Variants in CSMD1 observed in about 807,000 individuals in gnomAD.
The protein encoded by CSMD1 is CUB and Sushi multiple domains 1, also known as CUB and sushi domain-containing protein 1.
In CSMD1, 213 loss-of-function variants were observed where a neutral mutation model predicts 417.5. The ratio of observed to expected loss-of-function variants is 0.51; its 90% CI spans 0.46 to 0.57. CSMD1 has a LOEUF of 0.57. Ranked by LOEUF, CSMD1 falls within the 20% of genes least tolerant of loss-of-function variation. The pLI is 0.00. For missense variants in CSMD1, 6,923 were observed against 4,529.7 expected, an observed-to-expected ratio of 1.53 and a Z score of -15.17; for synonymous variants, 2,862 against 1,736.8, an observed-to-expected ratio of 1.65 and a Z score of -16.11.
intron 25 of CSMD1, among the ~76,000 whole-genome samples, chr8:3,295,900 C>A (rs969256801): frequency 1.3e-5 from 2 of 152,006 alleles, no homozygotes; most frequent in African/African-American, 4.8e-5. Context: ...TACTCGGCAC[C>A]AAGAGTGTAC....
intron 7 of CSMD1, among the ~76,000 whole-genome samples, chr8:3,654,529 C>T (rs1798009058): frequency 6.6e-6 from 1 of 152,070 alleles, no homozygotes; most frequent in Non-Finnish European, 1.5e-5. Context: ...GGAGAACTTA[C>T]AAATAAGAAA....
At chr8:4,079,975 A>T (rs1800041187) in intron 3 of CSMD1, among the ~76,000 whole-genome samples, 1 of 151,608 alleles carries the variant, frequency 6.6e-6, no homozygotes, top group Non-Finnish European at 1.5e-5. Flanking sequence ...TAATTTAAAG[A>T]TTAAGAAAAT....
At chr8:4,194,990 C>T (rs1467752904) in intron 3 of CSMD1, among the ~76,000 whole-genome samples, 1 of 151,800 alleles carries the variant, frequency 6.6e-6, no homozygotes, top group African/African-American at 2.4e-5. Context: ...TTTCTTTCAT[C>T]TGGGAATTTT....
intron 5 of CSMD1, among the ~76,000 whole-genome samples, chr8:3,837,914 G>C (rs904626789): frequency 1.3e-5 from 2 of 151,996 alleles, no homozygotes; most frequent in Non-Finnish European, 1.5e-5. Flanking sequence ...ATGCACAGAT[G>C]AATATACTGT....
chr8:3,782,687 A>T (rs1799246601), intron 5 of CSMD1, among the ~76,000 whole-genome samples: 1 of 152,218 alleles, frequency 6.6e-6, no homozygotes, highest in African/African-American at 2.4e-5. Context: ...AATGTTTGAG[A>T]ACAAGCTAAT....
At chr8:3,262,973 G>T (rs1382416359) in intron 26 of CSMD1, among the ~76,000 whole-genome samples, 2 of 152,174 alleles carry the variant, frequency 1.3e-5, no homozygotes, top group African/African-American at 4.8e-5. Flanking sequence ...TAATATTCAA[G>T]AAGTATTATG....
chr8:4,588,784 A>G (rs1799839736), intron 2 of CSMD1, among the ~76,000 whole-genome samples: 1 of 151,188 alleles, frequency 6.6e-6, no homozygotes, highest in Admixed American at 6.6e-5. Context: ...ACTCCGACAC[A>G]CACACACACA....
chr8:4,786,378 G>A (rs1585095989), intron 1 of CSMD1, among the ~76,000 whole-genome samples: 1 of 152,318 alleles, frequency 6.6e-6, no homozygotes, highest in East Asian at 1.9e-4. Flanking sequence ...GGCAGGTGCA[G>A]AACATGCATC....
intron 3 of CSMD1, among the ~76,000 whole-genome samples, chr8:4,376,230 T>G (rs981566115): frequency 6.6e-6 from 1 of 152,326 alleles, no homozygotes; most frequent in Admixed American, 6.5e-5. Flanking sequence ...GTTTTTGACG[T>G]TTTCCTATTT....
intron 12 of CSMD1, among the ~76,000 whole-genome samples, chr8:3,464,061 G>C (rs370101154): frequency 2.6e-5 from 4 of 152,264 alleles, no homozygotes; most frequent in African/African-American, 7.2e-5. Flanking sequence ...GCCCAAAATA[G>C]GTCTTGTTTT....
At chr8:4,190,128 A>G (rs1647309) in intron 3 of CSMD1, among the ~76,000 whole-genome samples, 111,808 of 151,244 alleles carry the variant, frequency 0.74, 41,916 homozygotes, top group East Asian at 0.85. Flanking sequence ...GCGTGGTGGC[A>G]GGTGCCTGTG....
intron 3 of CSMD1, among the ~76,000 whole-genome samples, chr8:4,104,482 A>G (rs991535107): frequency 6.6e-6 from 1 of 152,174 alleles, no homozygotes; most frequent in Non-Finnish European, 1.5e-5. Context: ...ATTTGACTCT[A>G]TTGAATTTTC....
chr8:4,716,200 G>A (rs1346535103), intron 1 of CSMD1, among the ~76,000 whole-genome samples: 1 of 152,100 alleles, frequency 6.6e-6, no homozygotes, highest in African/African-American at 2.4e-5. Context: ...CACCCAATGG[G>A]GACTGCTCAT....
intron 50 of CSMD1, among the ~76,000 whole-genome samples, chr8:3,038,995 G>A (rs1231897857): frequency 1.3e-5 from 2 of 152,108 alleles, no homozygotes; most frequent in East Asian, 1.9e-4. Context: ...AATAGATGGC[G>A]ACAAGCAGAC....
At position 4,217,735 on chromosome 8, in the gene CSMD1, C is replaced by G. The variant is rs117992406; in HGVS notation, c.416-185636G>C. Among the ~76,000 whole-genome samples, 516 of 152,058 alleles carry G rather than the reference C, an allele frequency of 3.4e-3. 3 individuals carry two copies. The highest frequency in any genetic ancestry group is 5.8e-3 in the Admixed American group (88 of 15,288). On this transcript the variant is annotated intron_variant, in intron 3 of 69. Coordinates refer to ENST00000635120, the MANE Select transcript of CSMD1 (RefSeq NM_033225.6). ...GAAATACAACTGTATGACTTCTATA[C>G]TCTACGGTGTTATAGGATACTGGAA...
At chr8:3,033,099 T>C (rs1348692903) in intron 50 of CSMD1, among the ~76,000 whole-genome samples, 1 of 144,000 alleles carries the variant, frequency 6.9e-6, no homozygotes, top group Non-Finnish European at 1.6e-5. Context: ...AGGCTACAGT[T>C]TCTATAAAAA....
intron 3 of CSMD1, among the ~76,000 whole-genome samples, chr8:4,361,690 T>C (rs1801774620): frequency 6.6e-6 from 1 of 152,082 alleles, no homozygotes; most frequent in Non-Finnish European, 1.5e-5. Context: ...ACGGCTTGGC[T>C]CACGCCTGTA....
chr8:4,566,299 G>A (rs73184938), intron 2 of CSMD1, among the ~76,000 whole-genome samples: 1 of 152,058 alleles, frequency 6.6e-6, no homozygotes, highest in Non-Finnish European at 1.5e-5. Context: ...AATACATTTA[G>A]AAAGGAAAGC....
intron 3 of CSMD1, among the ~76,000 whole-genome samples, chr8:4,059,303 T>G (rs941646398): frequency 2.4e-4 from 33 of 136,714 alleles, no homozygotes; most frequent in African/African-American, 6.5e-4. Flanking sequence ...CTGTGTAGAG[T>G]GAAATTTATA....
Sources: gnomAD v4.1 joint callset for allele counts (sites outside exome capture counted in the v4.1 genomes callset) on GRCh38, gnomAD v4.1.1 for gene constraint, MANE v1.5 for transcripts, NCBI Gene and HGNC (gene_info 2026-07-23, HGNC 2026-07-21) for gene names.